The following AHRR variants were observed in gnomAD, a reference collection of about 807,000 sequenced individuals.
AHRR encodes aryl hydrocarbon receptor repressor, also known as ahR repressor.
Under a neutral mutation model 44.0 loss-of-function variants are expected in AHRR, and 28 were observed. The ratio of observed to expected loss-of-function variants is 0.64; its 90% confidence interval spans 0.47 to 0.87. AHRR has a LOEUF of 0.87. Among genes scored for constraint, AHRR ranks in the 40% least tolerant of loss-of-function variants. AHRR has a pLI of 0.00. For synonymous variants in AHRR, 434 were observed against 407.0 expected, an observed-to-expected ratio of 1.07 and a Z score of -0.80; for missense variants, 990 against 953.9, an observed-to-expected ratio of 1.04 and a Z score of -0.50.
chr5:344,934 CTG>C (rs1742549901), intron 2 of AHRR, among the ~76,000 whole-genome samples: 3 of 49,798 alleles, frequency 6.0e-5, no homozygotes, highest in East Asian at 5.3e-4. Context: ...CTGTGGGGAG[CTG>C]TGTGTGGGGG....
chr5:421,356 C>T (rs750318897), intron 5 of AHRR: 1 of 680,708 alleles, frequency 1.5e-6, no homozygotes, highest in South Asian at 1.5e-5. Flanking sequence ...TATCATCCCT[C>T]CACGTGGAGT....
intron 3 of AHRR, 125 bp downstream of exon 3, chr5:354,036 C>T: frequency 1.0e-6 from 1 of 996,696 alleles, no homozygotes; most frequent in Non-Finnish European, 1.5e-6. Context: ...TCCCTTCTTC[C>T]CCCACGCTGC....
rs1045594020 is a variant in AHRR, at chr5:404,209, G to A, written c.352-9135G>A. On this transcript the variant is annotated intron_variant, in intron 4 of 10. Coordinates refer to ENST00000684583, the MANE Select transcript of AHRR (RefSeq NM_001377236.1). The surrounding 1 kb of genome is among the most constrained non-coding windows in gnomAD (Gnocchi z 4.1). The stretch of plus-strand genomic sequence containing the variant: ...GTCTTCTGCAGCCTTTGAACCCGTC[G>A]CAGCTCTCGCTCATCCATGAGTCTA... 3.1e-5 allele frequency: 16 copies of A among 523,424 alleles called. No individual in the cohort carries two copies. Among genetic ancestry groups the A allele is most frequent in the South Asian group, 4.7e-5 (3 of 63,450 alleles). 32.4% of individuals were successfully genotyped at this position (523,424 alleles called of 1,614,324 possible).
intron 3 of AHRR, among the ~76,000 whole-genome samples, chr5:375,448 G>A (rs547594759): frequency 2.1e-4 from 32 of 152,284 alleles, no homozygotes; most frequent in East Asian, 1.2e-3. Flanking sequence ...TCCCTAACCC[G>A]CGGAAGTGGG....
At chr5:422,447 CAGA>C (rs1028343063) in intron 5 of AHRR, 3 of 457,422 alleles carry the variant, frequency 6.6e-6, no homozygotes, top group African/African-American at 6.0e-5. Flanking sequence ...GTCTGCGGCC[CAGA>C]AGATGCCCGT....
At position 387,943 on chromosome 5, in the gene AHRR, C is replaced by A. The variant is rs576261427; in HGVS notation, c.351+11227C>A. ...GCTCTTGGGGAGAGTGTACTCCACA[C>A]CCCCTCGCTTCTGGAATGTTCTTCT... On this transcript the variant is annotated intron_variant, in intron 4 of 10. Coordinates refer to ENST00000684583, the MANE Select transcript of AHRR (RefSeq NM_001377236.1). The surrounding 1 kb of genome is among the most constrained non-coding windows in gnomAD (Gnocchi z 5.1). Among the ~76,000 whole-genome samples, 8 of 152,146 alleles carry A rather than the reference C, an allele frequency of 5.3e-5. No individual in the cohort carries two copies. The South Asian group carries it at 1.7e-3, about 32-fold the overall frequency.
chr5:425,785 C>T (rs561979964), intron 7 of AHRR, among the ~76,000 whole-genome samples: 5 of 152,314 alleles, frequency 3.3e-5, no homozygotes, highest in Admixed American at 1.3e-4. Flanking sequence ...TACACAAATA[C>T]GTGTCTGATT....
At chr5:420,931 GCCAC>G in intron 5 of AHRR, 1 of 141,370 alleles carries the variant, frequency 7.1e-6, no homozygotes, top group Non-Finnish European at 1.2e-5. Flanking sequence ...CGCACACGCA[GCCAC>G]CCACCCACAC....
intron 5 of AHRR, among the ~76,000 whole-genome samples, chr5:418,218 G>A (rs914399703): frequency 2.0e-5 from 3 of 152,200 alleles, no homozygotes; most frequent in African/African-American, 7.2e-5. Flanking sequence ...GTCTTTAGTT[G>A]ACGAAAGGAG....
rs537710081 is a variant in AHRR at position 436,176 on chromosome 5, T to G, written c.*1342T>G. 2.6e-5 allele frequency: 1 copy of G among 37,810 alleles called. No individual in the cohort carries two copies. Among genetic ancestry groups the G allele is most frequent in the Non-Finnish European group, 6.4e-5 (1 of 15,738 alleles). The allele number at this position is 37,810 out of a possible 1,614,324, so 2.3% of individuals were successfully genotyped here. A position where few individuals can be genotyped will look rare whatever the true frequency, so the allele number is the denominator to read the frequency against. The stretch of plus-strand genomic sequence containing the variant: ...GAGTGGCAGGAGCTGTGGGAGCCCA[T>G]GGGTGAGGGACCCACCACCCCGCTG... On this transcript the variant is annotated 3_prime_UTR_variant, in exon 11 of 11. Transcript: ENST00000684583.
At chr5:426,689 AGATG>A (rs1300501738) in intron 7 of AHRR, among the ~76,000 whole-genome samples, 2 of 139,882 alleles carry the variant, frequency 1.4e-5, no homozygotes, top group African/African-American at 2.7e-5. Context: ...ATGGATGGAT[AGATG>A]GATGGGTGGA....
rs1290360585 is a variant in AHRR at position 432,895 on chromosome 5, C to G, written c.1060C>G (p.Leu354Val). 1 of 1,613,602 alleles carries G rather than the reference C, an allele frequency of 6.2e-7. No homozygotes were observed. The change falls in exon 10 of 11, where the codon CTG becomes GTG. Residue 354 changes from leucine (L) to valine (V), a missense_variant. Physicochemically the swap from Leu to Val is conservative, Grantham distance 32. Coordinates refer to ENST00000684583, the MANE Select transcript of AHRR (RefSeq NM_001377236.1). The part of the protein sequence containing the change: ...WAQVPARAPC[L>V]CLRGGPDLVL... Reference sequence around the variant, plus strand: ...ACAGGTTCCCGCCAGGGCCCCATGCCTGTGCCTCCGGGGTGGCCCTGACCT... The same window carrying G: ...ACAGGTTCCCGCCAGGGCCCCATGCGTGTGCCTCCGGGGTGGCCCTGACCT...
chr5:400,500 T>A (rs1403455174), intron 4 of AHRR, among the ~76,000 whole-genome samples: 1 of 149,754 alleles, frequency 6.7e-6, no homozygotes, highest in Non-Finnish European at 1.5e-5. Context: ...AGCCTTAACC[T>A]TAGAGCCAAA....
Position 434,467 on chromosome 5 carries a change from C to A in AHRR, c.1727C>A (p.Pro576Gln), listed in dbSNP as rs1473258767. 1.9e-6 allele frequency: 3 copies of A among 1,613,358 alleles called. No homozygotes were observed. In the African/African-American group the frequency reaches 4.0e-5, roughly 22 times the overall value. ...ACCAGGATGCACCTGAAAACAGAGCCAGACTCTCGGCAACAGGTGTACATC... is the reference window on the plus strand; with the variant it reads ...ACCAGGATGCACCTGAAAACAGAGCAAGACTCTCGGCAACAGGTGTACATC... ...FPTRMHLKTE[P>Q]DSRQQVYISH... The change falls in exon 11 of 11, where the codon CCA becomes CAA. Residue 576 changes from proline (P) to glutamine (Q), a missense_variant. Pro to Gln is a moderately conservative substitution (Grantham distance 76). Transcript: ENST00000684583.
rs1334810326 is a variant in AHRR, at chr5:338,846, T to C, written c.-10-5047T>C. Among the ~76,000 whole-genome samples the C allele has an allele frequency of 2.0e-5, 3 of 152,236 alleles. No homozygotes were observed. Among genetic ancestry groups the C allele is most frequent in the Non-Finnish European group, 2.9e-5 (2 of 68,038 alleles). ...ATTTGGAAAAAATTTCTGCTGTTTCTTACATTTTCTCCTAACTCCTTTCCC... is the reference window on the plus strand; with the variant it reads ...ATTTGGAAAAAATTTCTGCTGTTTCCTACATTTTCTCCTAACTCCTTTCCC... On this transcript the variant is annotated intron_variant, in intron 1 of 10. Coordinates refer to ENST00000684583, the MANE Select transcript of AHRR (RefSeq NM_001377236.1). The surrounding 1 kb of genome is among the most constrained non-coding windows in gnomAD (Gnocchi z 4.1).
intron 3 of AHRR, among the ~76,000 whole-genome samples, chr5:376,039 C>T (rs535708695): frequency 5.3e-5 from 8 of 151,416 alleles, no homozygotes; most frequent in East Asian, 1.9e-4. Context: ...CCCCTGGGGG[C>T]GTGGGGCCTG....
chr5:391,065 C>T (rs1278102507), intron 4 of AHRR, among the ~76,000 whole-genome samples: 1 of 152,030 alleles, frequency 6.6e-6, no homozygotes, highest in African/African-American at 2.4e-5. Flanking sequence ...CGGGAGAGGC[C>T]CCAGAGAGGC....
chr5:397,293 A>G (rs1734764785), intron 4 of AHRR, among the ~76,000 whole-genome samples: 1 of 94,298 alleles, frequency 1.1e-5, no homozygotes, highest in Non-Finnish European at 2.1e-5. Context: ...GCCCCTGACC[A>G]TGTTAGCCCC....
intron 5 of AHRR, chr5:422,443 G>A (rs528238556): frequency 1.6e-5 from 7 of 445,088 alleles, no homozygotes; most frequent in East Asian, 1.4e-4. Context: ...GAGTGTCTGC[G>A]GCCCAGAAGA....
Sources: allele counts gnomAD v4.1 joint callset (sites outside exome capture counted in the v4.1 genomes callset), GRCh38; gene constraint gnomAD v4.1.1; non-coding constraint Gnocchi (gnomAD v3.1); transcripts MANE v1.5; gene names NCBI Gene and HGNC (gene_info 2026-07-23, HGNC 2026-07-21).